The following EML5 variants were observed in gnomAD, a reference collection of about 807,000 sequenced individuals.
EML5 encodes the protein echinoderm microtubule-associated protein-like 5.
In EML5, 120 loss-of-function variants were observed where a neutral mutation model predicts 250.0. The ratio of observed to expected loss-of-function variants is 0.48; its 90% CI spans 0.41 to 0.56. The LOEUF (loss-of-function observed/expected upper bound fraction) is 0.56. Ranked by LOEUF, EML5 falls within the 20% of genes least tolerant of loss-of-function variation. EML5 has a pLI of 0.00. For synonymous variants in EML5, 771 were observed against 806.5 expected, an observed-to-expected ratio of 0.96 and a Z score of 0.75; for missense variants, 2,006 against 2,437.6, an observed-to-expected ratio of 0.82 and a Z score of 3.73.
intron 30 of EML5, among the ~76,000 whole-genome samples, chr14:88,644,138 G>T (rs1286811870): frequency 6.6e-6 from 1 of 152,100 alleles, no homozygotes; most frequent in African/African-American, 2.4e-5. Context: ...TACTGCCAAG[G>T]TGTCTGTGCT....
At chr14:88,700,487 C>G (rs1162735720) in intron 14 of EML5, among the ~76,000 whole-genome samples, 2 of 152,034 alleles carry the variant, frequency 1.3e-5, no homozygotes, top group East Asian at 3.9e-4. Context: ...AACAAAGCAT[C>G]AAAACACAAA....
intron 1 of EML5, among the ~76,000 whole-genome samples, chr14:88,779,046 G>A (rs187905568): frequency 3.6e-4 from 55 of 152,196 alleles, no homozygotes; most frequent in African/African-American, 1.0e-3. Context: ...TTCTTCTGGC[G>A]CAAGCAACCA....
At chr14:88,774,676 ATTT>A (rs2094430666) in intron 1 of EML5, among the ~76,000 whole-genome samples, 1 of 152,066 alleles carries the variant, frequency 6.6e-6, no homozygotes, top group South Asian at 2.1e-4. Context: ...CTCTGGCCAC[ATTT>A]TTGTCAGTTC....
At chr14:88,728,496 AAAGT>A (rs1238846456) in intron 7 of EML5, among the ~76,000 whole-genome samples, 1 of 152,208 alleles carries the variant, frequency 6.6e-6, no homozygotes, top group Non-Finnish European at 1.5e-5. Flanking sequence ...TACCTACAAT[AAAGT>A]AAGCTAGAGA....
Position 88,714,962 on chromosome 14 carries a change from T to C in EML5, c.1421A>G (p.Lys474Arg), listed in dbSNP as rs912466908. ...RYLQTNDGNG[K>R]RLFYRMPGGK... ...ACCTGGCATTCTATAAAAAAGTCTTTTCCCATTTCCATCATTTGTCTGCAA... is the reference window on the plus strand; with the variant it reads ...ACCTGGCATTCTATAAAAAAGTCTTCTCCCATTTCCATCATTTGTCTGCAA... The change falls in exon 9 of 44, where the codon AAA (lysine) becomes AGA (arginine). Residue 474 changes from lysine to arginine, a missense_variant. Physicochemically the swap from Lys to Arg is conservative, Grantham distance 26. Transcript: ENST00000554922. The C allele has an allele frequency of 1.2e-6, 2 of 1,612,680 alleles. No individual in the cohort carries two copies. Among genetic ancestry groups the C allele is most frequent in the African/African-American group, 2.7e-5 (2 of 74,868 alleles).
intron 16 of EML5, 107 bp downstream of exon 16, chr14:88,695,253 TA>T: frequency 1.3e-6 from 1 of 770,024 alleles, no homozygotes; most frequent in Non-Finnish European, 2.1e-6. Flanking sequence ...ATGGAAGCAA[TA>T]AAAAGTTACA....
At chr14:88,716,368 G>A (rs2093494079) in intron 8 of EML5, among the ~76,000 whole-genome samples, 2 of 152,056 alleles carry the variant, frequency 1.3e-5, no homozygotes, top group African/African-American at 4.8e-5. Flanking sequence ...CTCTTCCTAT[G>A]CATAGACTCA....
Position 88,620,975 on chromosome 14 carries a change from A to G in EML5, c.5203-49T>C, listed in dbSNP as rs776946710. 1 of 1,475,994 alleles carries G rather than the reference A, an allele frequency of 6.8e-7. No individual in the cohort carries two copies. Among genetic ancestry groups the G allele is most frequent in the East Asian group, 2.5e-5 (1 of 40,428 alleles). The allele number at this position is 1,475,994 out of a possible 1,614,324, so 91.4% of individuals were successfully genotyped here. A position where few individuals can be genotyped will look rare whatever the true frequency, so the allele number is the denominator to read the frequency against. Reference sequence around the variant, plus strand: ...AAGAGTCATAGGAAACATTAAGTGAAGTACTTCTAAATTATACCAGTTTCC... The same window carrying G: ...AAGAGTCATAGGAAACATTAAGTGAGGTACTTCTAAATTATACCAGTTTCC... On this transcript the variant is annotated intron_variant, in intron 38 of 43. Coordinates refer to ENST00000554922, the MANE Select transcript of EML5 (RefSeq NM_183387.3). This position sits in a 1 kb window ranked among gnomAD's most constrained non-coding sequence, Gnocchi z 4.3.
chr14:88,766,836 C>T (rs2094326778), intron 1 of EML5, among the ~76,000 whole-genome samples: 1 of 152,154 alleles, frequency 6.6e-6, no homozygotes, highest in South Asian at 2.1e-4. Flanking sequence ...CTCTTTTGTA[C>T]TCTTTCCCTT....
intron 4 of EML5, among the ~76,000 whole-genome samples, chr14:88,742,949 T>G (rs1206017083): frequency 1.3e-5 from 2 of 152,126 alleles, no homozygotes; most frequent in South Asian, 2.1e-4. Context: ...TACCAGGAAC[T>G]GTTACATCAG....
chr14:88,614,465 C>T lies in EML5; in HGVS notation c.*1353G>A, dbSNP rs1460265766. ...TTTAGTATTAACCAAGTATTAGACA[C>T]AGAAAATAGGTATTAAGAATCTTCA... On this transcript the variant is annotated 3_prime_UTR_variant, in exon 44 of 44. Transcript: ENST00000554922. 1 of 152,096 alleles carries T rather than the reference C, an allele frequency of 6.6e-6. No homozygotes were observed. Among genetic ancestry groups the T allele is most frequent in the Admixed American group, 6.5e-5 (1 of 15,272 alleles). 9.4% of individuals were successfully genotyped at this position (152,096 alleles called of 1,614,324 possible). A position where few individuals can be genotyped will look rare whatever the true frequency, so the allele number is the denominator to read the frequency against.
chr14:88,643,808 G>T (rs1425307420), intron 30 of EML5, among the ~76,000 whole-genome samples: 1 of 152,230 alleles, frequency 6.6e-6, no homozygotes, highest in East Asian at 1.9e-4. Flanking sequence ...TTCTGCAACT[G>T]AAAATGTACA....
chr14:88,792,508 G>C lies in EML5; in HGVS notation c.-5C>G, dbSNP rs1285757442. On this transcript the variant is annotated 5_prime_UTR_variant, in exon 1 of 44. Transcript: ENST00000554922. The surrounding 1 kb of genome is among the most constrained non-coding windows in gnomAD (Gnocchi z 6.9). ...CGGGGCGCTCCGGGCCGCCATGTCG[G>C]GGCGCCCACCCGCCGCTCCCGCTCG... 2 of 1,368,136 alleles carry C rather than the reference G, an allele frequency of 1.5e-6. No individual in the cohort carries two copies. Among genetic ancestry groups the C allele is most frequent in the Admixed American group, 2.7e-5 (1 of 37,082 alleles). 84.7% of individuals were successfully genotyped at this position (1,368,136 alleles called of 1,614,324 possible).
At chr14:88,660,122 T>A (rs565852459) in intron 25 of EML5, among the ~76,000 whole-genome samples, 5 of 150,672 alleles carry the variant, frequency 3.3e-5, no homozygotes, top group South Asian at 2.1e-4. Context: ...CAAAAAAAAA[T>A]TTTTTTTTAC....
intron 5 of EML5, 135 bp from the exon 6 acceptor site, chr14:88,739,149 C>G (rs1195126194): frequency 1.2e-6 from 1 of 845,674 alleles, no homozygotes; most frequent in Non-Finnish European, 1.7e-6. Flanking sequence ...TCAGAAAACA[C>G]AAAAGAAAAT....
chr14:88,783,198 GAAATGTGGGGTTGGAGCCCCCACACAC>G lies in EML5; in HGVS notation c.197+9082_197+9108del, dbSNP rs562265815. Among the ~76,000 whole-genome samples the G allele has an allele frequency of 1.7e-4, 26 of 152,358 alleles. No homozygotes were observed. The East Asian group carries it at 2.5e-3, about 15-fold the overall frequency. On this transcript the variant is annotated intron_variant, in intron 1 of 43. Coordinates refer to ENST00000554922, the MANE Select transcript of EML5 (RefSeq NM_183387.3). ...ACCTCTGCTAGGGAAGTGCATAAAGGAAATGTGGGGTTGGAGCCCCCACACACAAATGTGGGGTTGGATCCCCTACAC... is the reference window on the plus strand; with the variant it reads ...ACCTCTGCTAGGGAAGTGCATAAAGGAAATGTGGGGTTGGATCCCCTACAC...
In EML5 at chr14:88,625,030, A is replaced by G; in HGVS notation, c.4838T>C (p.Val1613Ala). Residue 1613 changes from valine (V) to alanine (A), a missense_variant, in exon 36 of 44, where the codon GTG becomes GCG. Transcript: ENST00000554922. Reference protein sequence around the residue: ...RIVARAHNGPVFAMYTTLRDG... With the variant: ...RIVARAHNGPAFAMYTTLRDG... ...TCGCAGGGTGGTGTACATGGCAAAC[A>G]CAGGCCCGTTGTGAGCTCTCGCCAC... 9 of 1,613,742 alleles carry G rather than the reference A, an allele frequency of 5.6e-6. No individual in the cohort carries two copies. Among genetic ancestry groups the G allele is most frequent in the Non-Finnish European group, 7.6e-6 (9 of 1,179,734 alleles).
chr14:88,746,821 CAAAT>C (rs1360542915), intron 2 of EML5, among the ~76,000 whole-genome samples: 1 of 152,126 alleles, frequency 6.6e-6, no homozygotes, highest in Non-Finnish European at 1.5e-5. Flanking sequence ...TCGGAAACAA[CAAAT>C]AACCCCTTCC....
intron 8 of EML5, among the ~76,000 whole-genome samples, chr14:88,717,617 T>A (rs1427956350): frequency 6.6e-6 from 1 of 152,094 alleles, no homozygotes; most frequent in Non-Finnish European, 1.5e-5. Flanking sequence ...TAGCCAGGTG[T>A]GGTGGCATCC....
Sources: allele counts gnomAD v4.1 joint callset (sites outside exome capture counted in the v4.1 genomes callset), GRCh38; gene constraint gnomAD v4.1.1; non-coding constraint Gnocchi (gnomAD v3.1); transcripts MANE v1.5; gene names NCBI Gene and HGNC (gene_info 2026-07-23, HGNC 2026-07-21).